The following TMTC1 variants were observed in gnomAD, a reference collection of about 807,000 sequenced individuals.
The protein encoded by TMTC1 is protein O-mannosyl-transferase TMTC1.
Under a neutral mutation model 104.8 loss-of-function variants are expected in TMTC1, and 73 were observed. The ratio of observed to expected loss-of-function variants is 0.70; its 90% CI spans 0.58 to 0.85. The LOEUF is 0.85. Among genes scored for constraint, TMTC1 ranks in the 40% least tolerant of loss-of-function variants. The pLI is 0.00. For synonymous variants in TMTC1, 434 were observed against 428.7 expected, an observed-to-expected ratio of 1.01 and a Z score of -0.15; for missense variants, 1,035 against 1,096.1, an observed-to-expected ratio of 0.94 and a Z score of 0.79.
intron 5 of TMTC1, among the ~76,000 whole-genome samples, chr12:29,742,420 G>GCAATAT (rs2136947469): frequency 6.6e-6 from 1 of 152,202 alleles, no homozygotes; most frequent in Admixed American, 6.5e-5. Flanking sequence ...CTGTAGCTTA[G>GCAATAT]GGTGACGTCA....
chr12:29,720,246 T>A (rs926401624), intron 5 of TMTC1, among the ~76,000 whole-genome samples: 1 of 152,228 alleles, frequency 6.6e-6, no homozygotes, highest in Non-Finnish European at 1.5e-5. Flanking sequence ...TCCTTGTGTC[T>A]TACAATTCTC....
chr12:29,688,694 T>C (rs1030669668), intron 5 of TMTC1, among the ~76,000 whole-genome samples: 3 of 152,232 alleles, frequency 2.0e-5, no homozygotes, highest in Admixed American at 6.5e-5. Flanking sequence ...TTATTATTTA[T>C]TCACAATATT....
intron 5 of TMTC1, among the ~76,000 whole-genome samples, chr12:29,734,913 A>G (rs1039504374): frequency 9.9e-5 from 15 of 152,204 alleles, no homozygotes; most frequent in African/African-American, 3.6e-4. Context: ...TATAGTCAGA[A>G]CATAACGTGC....
At chr12:29,524,988 T>G (rs917457796) in intron 11 of TMTC1, among the ~76,000 whole-genome samples, 2 of 152,064 alleles carry the variant, frequency 1.3e-5, no homozygotes, top group Admixed American at 6.6e-5. Flanking sequence ...AAGCTGTCCA[T>G]GTCTAGGATG....
intron 5 of TMTC1, among the ~76,000 whole-genome samples, chr12:29,662,599 G>A (rs956194763): frequency 2.0e-5 from 3 of 149,946 alleles, no homozygotes; most frequent in African/African-American, 4.9e-5. Flanking sequence ...GCAGTGAGCC[G>A]AGATCGTGCC....
chr12:29,566,710 C>G (rs12826893), intron 9 of TMTC1, among the ~76,000 whole-genome samples: 24,859 of 152,108 alleles, frequency 0.16, 2,781 homozygotes, highest in African/African-American at 0.31. Context: ...ATTTACTGAG[C>G]GTGTCATTGC....
At chr12:29,784,256 G>A, upstream of TMTC1, 1 of 152,542 alleles carries the variant, frequency 6.6e-6, no homozygotes, top group Non-Finnish European at 1.5e-5. Context: ...GACCCCTCCC[G>A]GGGGACCCAG....
intron 5 of TMTC1, among the ~76,000 whole-genome samples, chr12:29,711,247 G>A (rs1941917446): frequency 6.6e-6 from 1 of 151,868 alleles, no homozygotes; most frequent in African/African-American, 2.4e-5. Context: ...CCAAAATACT[G>A]GGATTATCCA....
chr12:29,586,933 G>A (rs916127409), intron 7 of TMTC1, among the ~76,000 whole-genome samples: 32 of 152,080 alleles, frequency 2.1e-4, no homozygotes, highest in African/African-American at 7.7e-4. Context: ...TTGGTATCAG[G>A]ATGATGCTGG....
In TMTC1 at chr12:29,517,576, G is replaced by C. The variant is rs994163451; in HGVS notation, c.2025-5C>G. ...TTGTGTGCCACCTGCAGGGCGCTGA[G>C]TTTGGAGAAAATCTAAATGACATTT... On this transcript the variant is annotated splice_polypyrimidine_tract_variant and splice_region_variant and intron_variant, in intron 13 of 17. Transcript: ENST00000539277. 6.2e-7 allele frequency: 1 copy of C among 1,614,058 alleles called. No individual in the cohort carries two copies. The highest frequency in any genetic ancestry group is 8.5e-7 in the Non-Finnish European group (1 of 1,179,964).
In TMTC1 at chr12:29,644,108, T is replaced by TATAA. The variant is rs1417504552; in HGVS notation, c.939-10773_939-10772insTTAT. On this transcript the variant is annotated intron_variant, in intron 5 of 17. Transcript: ENST00000539277. ...AAATATAAATATAAATATATAAATATATATGTGTGTGTGTGTGTGTGTGTG... is the reference window on the plus strand; with the variant it reads ...AAATATAAATATAAATATATAAATATATAAATATGTGTGTGTGTGTGTGTGTGTG... 4.1e-3 allele frequency among the ~76,000 whole-genome samples: 195 copies of TATAA among 47,420 alleles called. 22 individuals carry two copies. The highest frequency in any genetic ancestry group is 0.012 in the Middle Eastern group (1 of 84). The allele number at this position is 47,420 out of a possible 152,430, so 31.1% of individuals were successfully genotyped here.
At chr12:29,610,272 C>T (rs1946811049) in intron 6 of TMTC1, among the ~76,000 whole-genome samples, 2 of 152,170 alleles carry the variant, frequency 1.3e-5, no homozygotes, top group Admixed American at 6.5e-5. Context: ...TCGTCCTGTA[C>T]ATCACAGTCT....
At chr12:29,513,911 T>A (rs898861485) in intron 16 of TMTC1, among the ~76,000 whole-genome samples, 1 of 152,094 alleles carries the variant, frequency 6.6e-6, no homozygotes, top group African/African-American at 2.4e-5. Flanking sequence ...ATACGGGGGT[T>A]AGGGGACGGA....
Position 29,579,034 on chromosome 12 carries a change from A to G in TMTC1, c.1418+4373T>C, listed in dbSNP as rs542031047. On this transcript the variant is annotated intron_variant, in intron 8 of 17. Transcript: ENST00000539277. Reference sequence around the variant, plus strand: ...TATTACGCTGCCTCCCATATTAGAGATGAGGAAACTGAAGCTCAGAGAGAT... The same window carrying G: ...TATTACGCTGCCTCCCATATTAGAGGTGAGGAAACTGAAGCTCAGAGAGAT... Among the ~76,000 whole-genome samples, 11 of 152,298 alleles carry G rather than the reference A, an allele frequency of 7.2e-5. No individual in the cohort carries two copies. The South Asian group carries it at 2.1e-3, about 29-fold the overall frequency.
Position 29,609,279 on chromosome 12 carries a change from AC to A in TMTC1, c.1129-4981del, listed in dbSNP as rs570365902. Among the ~76,000 whole-genome samples the A allele has an allele frequency of 1.6e-3, 248 of 152,314 alleles. 1 individual carries two copies. The highest frequency in any genetic ancestry group is 7.6e-3 in the Admixed American group (116 of 15,294). On this transcript the variant is annotated intron_variant, in intron 6 of 17. Coordinates refer to ENST00000539277, the MANE Select transcript of TMTC1 (RefSeq NM_001193451.2). ...CTGTCTGCCTCCAATTTATCAATCCACAGGGAAGCTGATGACAGTAAAGCTC... is the reference window on the plus strand; with the variant it reads ...CTGTCTGCCTCCAATTTATCAATCCAAGGGAAGCTGATGACAGTAAAGCTC...
chr12:29,687,613 C>T (rs1469189824), intron 5 of TMTC1, among the ~76,000 whole-genome samples: 22 of 152,118 alleles, frequency 1.4e-4, no homozygotes, highest in South Asian at 4.1e-4. Flanking sequence ...GATAATTGTC[C>T]TGGAGTTGTC....
chr12:29,684,843 C>T (rs1353201879), intron 5 of TMTC1, among the ~76,000 whole-genome samples: 1 of 152,190 alleles, frequency 6.6e-6, no homozygotes, highest in African/African-American at 2.4e-5. Flanking sequence ...ACACTGTTAA[C>T]TGCAAATGAC....
At chr12:29,549,549 A>G (rs913899201) in intron 10 of TMTC1, among the ~76,000 whole-genome samples, 14 of 152,162 alleles carry the variant, frequency 9.2e-5, no homozygotes, top group Admixed American at 4.6e-4. Context: ...TCAATTTAAA[A>G]AAAAACACAC....
intron 5 of TMTC1, chr12:29,666,272 G>GT: frequency 5.2e-6 from 2 of 386,278 alleles, no homozygotes; most frequent in Admixed American, 6.9e-5. Context: ...CTGTCACCCA[G>GT]GCTGGAGTGC....
Sources: allele counts gnomAD v4.1 joint callset (sites outside exome capture counted in the v4.1 genomes callset), GRCh38; gene constraint gnomAD v4.1.1; transcripts MANE v1.5; gene names NCBI Gene and HGNC (gene_info 2026-07-23, HGNC 2026-07-21).